The following C1orf105 variants were observed in gnomAD, a reference collection of about 807,000 sequenced individuals.
The protein encoded by C1orf105 is chromosome 1 open reading frame 105.
A neutral mutation model predicts 20.8 loss-of-function variants in C1orf105; 17 were observed. That is an observed-to-expected ratio of 0.82 (90% CI 0.56 to 1.23). The LOEUF (loss-of-function observed/expected upper bound fraction) is 1.23. Ranked by LOEUF, C1orf105 falls within the 50% of genes most tolerant of loss-of-function variation. The probability of loss-of-function intolerance (pLI) is 0.00; values close to 1 mark genes in which losing one functional copy is unlikely to be tolerated. For missense variants in C1orf105, 219 were observed against 213.5 expected, an observed-to-expected ratio of 1.03 and a Z score of -0.16; for synonymous variants, 72 against 72.1, an observed-to-expected ratio of 1.00 and a Z score of 0.01.
intron 1 of C1orf105, chr1:172,441,506 C>T (rs1195846578): frequency 4.9e-6 from 2 of 408,046 alleles, no homozygotes; most frequent in Non-Finnish European, 8.7e-6. Flanking sequence ...TATGTTACAG[C>T]ATGTAATTCA....
chr1:172,432,430 A>C (rs2071901238), intron 1 of C1orf105, among the ~76,000 whole-genome samples: 1 of 152,244 alleles, frequency 6.6e-6, no homozygotes, highest in South Asian at 2.1e-4. Flanking sequence ...GTTCTGCAAT[A>C]TTTGCTGTTC....
chr1:172,465,419 A>G (rs1649975965), intron 6 of C1orf105, 56 bp downstream of exon 6: 2 of 1,221,266 alleles, frequency 1.6e-6, no homozygotes, highest in Non-Finnish European at 2.4e-6. Context: ...AAAATGCCAT[A>G]GAATGACAGT....
At chr1:172,421,958 T>G (rs776447381) in intron 1 of C1orf105, among the ~76,000 whole-genome samples, 1 of 152,124 alleles carries the variant, frequency 6.6e-6, no homozygotes, top group Non-Finnish European at 1.5e-5. Flanking sequence ...CAGAGGAGAA[T>G]TGCCCATCCC....
chr1:172,459,704 T>G (rs1311291076), intron 4 of C1orf105, among the ~76,000 whole-genome samples: 1 of 152,086 alleles, frequency 6.6e-6, no homozygotes, highest in African/African-American at 2.4e-5. Context: ...TTCCTAGATA[T>G]GTACCCAAGA....
At chr1:172,438,363 T>G (rs1268447344) in intron 1 of C1orf105, among the ~76,000 whole-genome samples, 1 of 152,158 alleles carries the variant, frequency 6.6e-6, no homozygotes, top group Non-Finnish European at 1.5e-5. Flanking sequence ...ATATCGACAT[T>G]AATAGGAGTT....
At chr1:172,445,225 G>T in intron 2 of C1orf105, 67 bp downstream of exon 2, 1 of 1,282,448 alleles carries the variant, frequency 7.8e-7, no homozygotes, top group South Asian at 1.3e-5. Flanking sequence ...TTCTTCTTAA[G>T]GGATGGGGAC....
intron 6 of C1orf105, among the ~76,000 whole-genome samples, chr1:172,468,040 T>C (rs1171158951): frequency 6.6e-6 from 1 of 152,166 alleles, no homozygotes; most frequent in African/African-American, 2.4e-5. Context: ...AACAGAACTA[T>C]ATATGTGTCC....
chr1:172,437,429 T>C (rs2072073054), intron 1 of C1orf105, among the ~76,000 whole-genome samples: 1 of 151,944 alleles, frequency 6.6e-6, no homozygotes, highest in African/African-American at 2.4e-5. Context: ...GTTCATGTCC[T>C]TTGCAGGGAC....
chr1:172,468,796 A>T lies in C1orf105; in HGVS notation c.*202A>T. ...TCCTAAAGACAAAATTGTTTAATTT[A>T]CATGATTATAAAGATCTGTTTATGA... On this transcript the variant is annotated 3_prime_UTR_variant, in exon 7 of 7. Coordinates refer to ENST00000367727, the MANE Select transcript of C1orf105 (RefSeq NM_139240.4). 2.2e-6 allele frequency: 1 copy of T among 450,348 alleles called. No individual in the cohort carries two copies. Among genetic ancestry groups the T allele is most frequent in the Non-Finnish European group, 3.9e-6 (1 of 254,820 alleles). 27.9% of individuals were successfully genotyped at this position (450,348 alleles called of 1,614,324 possible).
At chr1:172,446,486 G>T (rs766327996) in intron 2 of C1orf105, among the ~76,000 whole-genome samples, 13 of 152,210 alleles carry the variant, frequency 8.5e-5, no homozygotes, top group Non-Finnish European at 1.6e-4. Flanking sequence ...GCAGGCATGT[G>T]AGTCCAGAGG....
In C1orf105 at chr1:172,465,322, T is replaced by G. The variant is rs926045959; in HGVS notation, c.365T>G (p.Phe122Cys). ...AGAATGAGTCTTCATCAACCCAAATTCCAGACTACACCTGAGCCTTTCCAT... is the reference window on the plus strand; with the variant it reads ...AGAATGAGTCTTCATCAACCCAAATGCCAGACTACACCTGAGCCTTTCCAT... Reference protein sequence around the residue: ...SYRMSLHQPKFQTTPEPFHDD... With the variant: ...SYRMSLHQPKCQTTPEPFHDD... The change falls in exon 6 of 7, where the codon TTC becomes TGC. Residue 122 changes from phenylalanine to cysteine, a missense_variant. Coordinates refer to ENST00000367727, the MANE Select transcript of C1orf105 (RefSeq NM_139240.4). The G allele has an allele frequency of 6.2e-7, 1 of 1,613,256 alleles. No homozygotes were observed. The highest frequency in any genetic ancestry group is 1.3e-5 in the African/African-American group (1 of 75,030).
At chr1:172,441,435 G>GA in intron 1 of C1orf105, 1 of 240,952 alleles carries the variant, frequency 4.2e-6, no homozygotes, top group Non-Finnish European at 7.9e-6. Context: ...CCTGTTTATG[G>GA]AAAAATCATG....
At chr1:172,452,416 A>G (rs1173974537) in intron 3 of C1orf105, among the ~76,000 whole-genome samples, 1 of 152,180 alleles carries the variant, frequency 6.6e-6, no homozygotes, top group Non-Finnish European at 1.5e-5. Flanking sequence ...GACAGAGGCA[A>G]ATGTGTCAGT....
chr1:172,453,011 A>G lies in C1orf105; in HGVS notation c.199-3404A>G, dbSNP rs1648823831. The G allele has an allele frequency of 2.6e-6, 4 of 1,550,322 alleles. No homozygotes were observed. The East Asian group carries it at 9.8e-5, about 38-fold the overall frequency. On this transcript the variant is annotated intron_variant, in intron 3 of 6. Transcript: ENST00000367727. ...CCTGGGTTTCAGGGCTGGGAAAGAA[A>G]GCAAGACAGAATGGAGGAAATGAGG... is the stretch of plus-strand genomic sequence containing the variant.
chr1:172,466,062 ATACAG>A (rs1310334077), intron 6 of C1orf105, among the ~76,000 whole-genome samples: 5 of 152,340 alleles, frequency 3.3e-5, no homozygotes, highest in African/African-American at 9.6e-5. Context: ...CATTTGATAC[ATACAG>A]TAAAGAAAAT....
intron 3 of C1orf105, among the ~76,000 whole-genome samples, chr1:172,454,280 A>G (rs1002372846): frequency 6.6e-6 from 1 of 151,568 alleles, no homozygotes; most frequent in Non-Finnish European, 1.5e-5. Context: ...GATTTCTCCA[A>G]TCAGAAGTGG....
intron 1 of C1orf105, among the ~76,000 whole-genome samples, chr1:172,433,661 A>G (rs556614425): frequency 6.6e-6 from 1 of 152,356 alleles, no homozygotes; most frequent in African/African-American, 2.4e-5. Flanking sequence ...GCCAAATTGT[A>G]AAGACTATCG....
chr1:172,446,277 T>C (rs908251066), intron 2 of C1orf105, among the ~76,000 whole-genome samples: 1 of 152,224 alleles, frequency 6.6e-6, no homozygotes, highest in African/African-American at 2.4e-5. Flanking sequence ...GATAGAGTGC[T>C]TATTAAGAGT....
intron 3 of C1orf105, chr1:172,453,200 G>C: frequency 6.5e-7 from 1 of 1,550,262 alleles, no homozygotes; most frequent in Non-Finnish European, 8.7e-7. Context: ...GTAGAGTACA[G>C]CACAGATCAA....
Sources: gnomAD v4.1 joint callset for allele counts (sites outside exome capture counted in the v4.1 genomes callset) on GRCh38, gnomAD v4.1.1 for gene constraint, MANE v1.5 for transcripts, NCBI Gene and HGNC (gene_info 2026-07-23, HGNC 2026-07-21) for gene names.